The following ERC2 variants were observed in gnomAD, a reference collection of about 807,000 sequenced individuals.
ERC2 encodes the protein ELKS/RAB6-interacting/CAST family member 2.
ERC2 carries 42 observed loss-of-function variants against 114.8 expected under a neutral mutation model. That is an observed-to-expected ratio of 0.37 (90% CI 0.29 to 0.47). ERC2 has a LOEUF of 0.47. Ranked by LOEUF, ERC2 falls within the 20% of genes least tolerant of loss-of-function variation. ERC2 has a pLI of 0.99. For synonymous variants in ERC2, 454 were observed against 425.5 expected (o/e 1.07, Z -0.82); for missense variants, 939 against 1,150.7 (o/e 0.82, Z 2.66).
chr3:55,680,241 A>G (rs1444737726), intron 17 of ERC2, among the ~76,000 whole-genome samples: 3 of 152,194 alleles, frequency 2.0e-5, no homozygotes, highest in African/African-American at 7.2e-5. Flanking sequence ...TTTTCAATCA[A>G]AAAAGACTAA....
At chr3:55,654,144 C>A (rs896696591) in intron 17 of ERC2, among the ~76,000 whole-genome samples, 1 of 152,226 alleles carries the variant, frequency 6.6e-6, no homozygotes, top group Non-Finnish European at 1.5e-5. Flanking sequence ...AAGAAACACA[C>A]AGGTCTCAGC....
intron 15 of ERC2, among the ~76,000 whole-genome samples, chr3:55,715,206 T>TC (rs1197931820): frequency 6.6e-6 from 1 of 152,130 alleles, no homozygotes; most frequent in Non-Finnish European, 1.5e-5. Flanking sequence ...AAGGAAAGGT[T>TC]CCCAAGACCC....
chr3:55,686,399 C>A (rs1446973077), intron 16 of ERC2, among the ~76,000 whole-genome samples: 1 of 152,172 alleles, frequency 6.6e-6, no homozygotes, highest in Non-Finnish European at 1.5e-5. Context: ...TCTGGTCTCT[C>A]TAACCTTCAA....
At chr3:55,689,106 G>A (rs1247255564) in intron 16 of ERC2, among the ~76,000 whole-genome samples, 1 of 152,136 alleles carries the variant, frequency 6.6e-6, no homozygotes, top group African/African-American at 2.4e-5. Flanking sequence ...TGTGCAGCCT[G>A]GATTGGTTCT....
At chr3:55,922,658 C>A (rs1249357159) in intron 13 of ERC2, among the ~76,000 whole-genome samples, 1 of 152,128 alleles carries the variant, frequency 6.6e-6, no homozygotes, top group Non-Finnish European at 1.5e-5. Context: ...ACGTAACTGT[C>A]CTCAAGACCT....
chr3:55,584,572 G>A (rs953475081), intron 17 of ERC2, among the ~76,000 whole-genome samples: 1 of 152,064 alleles, frequency 6.6e-6, no homozygotes, highest in Non-Finnish European at 1.5e-5. Flanking sequence ...TGTGGAGATG[G>A]TGAGGCATTG....
chr3:56,206,196 CACACAT>C (rs140412013), intron 3 of ERC2, among the ~76,000 whole-genome samples: 8 of 57,284 alleles, frequency 1.4e-4, no homozygotes, highest in African/African-American at 4.5e-4. Flanking sequence ...CACACACACA[CACACAT>C]ACACACACAC....
At chr3:55,833,785 A>C (rs1177787442) in intron 14 of ERC2, among the ~76,000 whole-genome samples, 1 of 152,218 alleles carries the variant, frequency 6.6e-6, no homozygotes, top group Non-Finnish European at 1.5e-5. Context: ...TAAATGGACA[A>C]AATGCTCCAA....
At chr3:56,448,785 G>C (rs1003781914) in intron 1 of ERC2, among the ~76,000 whole-genome samples, 1 of 152,070 alleles carries the variant, frequency 6.6e-6, no homozygotes, top group African/African-American at 2.4e-5. Context: ...ATAAAAACAA[G>C]TGGTAGTTGG....
At chr3:55,756,535 A>T (rs757695017) in intron 14 of ERC2, among the ~76,000 whole-genome samples, 39 of 152,298 alleles carry the variant, frequency 2.6e-4, no homozygotes, top group Non-Finnish European at 4.9e-4. Context: ...TATCTTTCTA[A>T]AATTTCAAAA....
rs145294330 is a variant in ERC2, at chr3:55,887,607, T to A, written c.2564+782A>T. The stretch of plus-strand genomic sequence containing the variant: ...GACTAGTTCTTCACAAACAGACCTA[T>A]TGCAATTGATATTTATTAAAATTTC... On this transcript the variant is annotated intron_variant, in intron 14 of 17. Coordinates refer to ENST00000288221, the MANE Select transcript of ERC2 (RefSeq NM_015576.3). Among the ~76,000 whole-genome samples the A allele has an allele frequency of 6.2e-3, 944 of 152,360 alleles. 11 individuals are homozygous for A. The highest frequency in any genetic ancestry group is 0.021 in the African/African-American group (890 of 41,586).
chr3:55,757,671 A>G (rs923611580), intron 14 of ERC2, among the ~76,000 whole-genome samples: 2 of 152,188 alleles, frequency 1.3e-5, no homozygotes, highest in Non-Finnish European at 2.9e-5. Flanking sequence ...ACACATGGTA[A>G]GCATTCAGTA....
intron 14 of ERC2, among the ~76,000 whole-genome samples, chr3:55,806,823 G>T (rs2059512013): frequency 6.6e-6 from 1 of 152,176 alleles, no homozygotes. Flanking sequence ...CTGACGTTGG[G>T]CAAATGACTT....
intron 9 of ERC2, among the ~76,000 whole-genome samples, chr3:56,008,317 G>A (rs1310554572): frequency 2.0e-5 from 3 of 152,096 alleles, no homozygotes; most frequent in Admixed American, 2.0e-4. Flanking sequence ...AAGCCCTCTG[G>A]GGAACAGGTG....
chr3:55,590,179 A>G (rs1432664232), intron 17 of ERC2, among the ~76,000 whole-genome samples: 1 of 152,184 alleles, frequency 6.6e-6, no homozygotes, highest in East Asian at 1.9e-4. Flanking sequence ...AATCTAAGTG[A>G]AGTAAAAAGT....
intron 1 of ERC2, among the ~76,000 whole-genome samples, chr3:56,441,019 T>A (rs2062279714): frequency 6.6e-6 from 1 of 152,230 alleles, no homozygotes; most frequent in African/African-American, 2.4e-5. Context: ...CCTTGTGACC[T>A]GCTTAGACCA....
At chr3:55,743,842 T>C (rs1334721107) in intron 14 of ERC2, among the ~76,000 whole-genome samples, 2 of 152,104 alleles carry the variant, frequency 1.3e-5, no homozygotes, top group Non-Finnish European at 2.9e-5. Flanking sequence ...AACTTCAAGT[T>C]CCTCATAAAT....
chr3:56,200,950 T>C (rs565915298), intron 3 of ERC2, among the ~76,000 whole-genome samples: 2 of 152,332 alleles, frequency 1.3e-5, no homozygotes, highest in South Asian at 2.1e-4. Flanking sequence ...GCTTTTGTTT[T>C]TAAGCTACCA....
At chr3:56,313,123 A>C (rs919667097) in intron 2 of ERC2, among the ~76,000 whole-genome samples, 2 of 147,822 alleles carry the variant, frequency 1.4e-5, no homozygotes, top group Non-Finnish European at 3.0e-5. Flanking sequence ...ACCATAAAAA[A>C]GTAATATGAA....
Sources: allele counts gnomAD v4.1 joint callset (sites outside exome capture counted in the v4.1 genomes callset), GRCh38; gene constraint gnomAD v4.1.1; transcripts MANE v1.5; gene names NCBI Gene and HGNC (gene_info 2026-07-23, HGNC 2026-07-21).